The following GRAMD1B variants were observed in gnomAD, a reference collection of about 807,000 sequenced individuals.
GRAMD1B encodes protein Aster-B.
Under a neutral mutation model 99.7 loss-of-function variants are expected in GRAMD1B, and 37 were observed. The observed-to-expected ratio is 0.37, with a 90% confidence interval of 0.29 to 0.49. GRAMD1B has a LOEUF of 0.49. Among genes scored for constraint, GRAMD1B ranks in the 20% least tolerant of loss-of-function variants. GRAMD1B has a pLI of 0.98. For synonymous variants in GRAMD1B, 427 were observed against 387.6 expected (o/e 1.10, Z -1.19); for missense variants, 888 against 1,009.2 (o/e 0.88, Z 1.63).
chr11:123,519,280 G>A (rs369316414), intron 2 of GRAMD1B, among the ~76,000 whole-genome samples: 1 of 152,238 alleles, frequency 6.6e-6, no homozygotes, highest in African/African-American at 2.4e-5. Flanking sequence ...GTGGCAGAGG[G>A]TGGGGAGAGG....
At chr11:123,501,240 G>A (rs1046261152) in intron 2 of GRAMD1B, among the ~76,000 whole-genome samples, 3 of 151,918 alleles carry the variant, frequency 2.0e-5, no homozygotes, top group African/African-American at 7.3e-5. Context: ...GCACGATCTC[G>A]GCTCACTGCA....
At chr11:123,363,473 C>A (rs555227995) in intron 1 of GRAMD1B, among the ~76,000 whole-genome samples, 7 of 152,282 alleles carry the variant, frequency 4.6e-5, no homozygotes, top group Non-Finnish European at 7.4e-5. Flanking sequence ...CAGAAAGGAA[C>A]CTTGTTCTCT....
At position 123,608,917 on chromosome 11, in the gene GRAMD1B, C is replaced by G. The variant is rs1435032887; in HGVS notation, c.1657+115C>G. Reference sequence around the variant, plus strand: ...TTCTTTCCACACACCCTCCTTCCCTCGGCCACCTCAGGGCCCAGACACCCT... The same window carrying G: ...TTCTTTCCACACACCCTCCTTCCCTGGGCCACCTCAGGGCCCAGACACCCT... On this transcript the variant is annotated intron_variant, in intron 12 of 19. Transcript: ENST00000635736. 4 of 767,314 alleles carry G rather than the reference C, an allele frequency of 5.2e-6. 1 individual carries two copies. In the South Asian group the frequency reaches 5.5e-5, roughly 11 times the overall value. 47.5% of individuals were successfully genotyped at this position (767,314 alleles called of 1,614,324 possible). A position where few individuals can be genotyped will look rare whatever the true frequency, so the allele number is the denominator to read the frequency against.
At chr11:123,467,394 C>CTTT (rs11447711) in intron 1 of GRAMD1B, among the ~76,000 whole-genome samples, 24,387 of 103,014 alleles carry the variant, frequency 0.24, 3,164 homozygotes, top group East Asian at 0.41. Flanking sequence ...TTTTCAACAC[C>CTTT]TTTTTTTTTT....
intron 1 of GRAMD1B, among the ~76,000 whole-genome samples, chr11:123,433,427 C>T (rs1331054274): frequency 2.6e-5 from 4 of 152,148 alleles, no homozygotes; most frequent in Admixed American, 2.6e-4. Flanking sequence ...CGGCTTTTCC[C>T]TCCAATGTAA....
chr11:123,515,645 G>T (rs1941600094), intron 2 of GRAMD1B, among the ~76,000 whole-genome samples: 1 of 152,068 alleles, frequency 6.6e-6, no homozygotes. Flanking sequence ...AGAATTACCA[G>T]TTATTTATTT....
At chr11:123,423,678 T>C (rs1948540645) in intron 1 of GRAMD1B, among the ~76,000 whole-genome samples, 1 of 152,204 alleles carries the variant, frequency 6.6e-6, no homozygotes, top group East Asian at 1.9e-4. Flanking sequence ...TCTGCCTGAC[T>C]TCATTATAGG....
At position 123,605,483 on chromosome 11, in the gene GRAMD1B, G is replaced by T; in HGVS notation, c.1323+5G>T. The T allele has an allele frequency of 6.2e-7, 1 of 1,605,582 alleles. No homozygotes were observed. Among genetic ancestry groups the T allele is most frequent in the Non-Finnish European group, 8.5e-7 (1 of 1,175,232 alleles). ...AGCAGTGAGGCCCCCGTCTCGGTAT[G>T]GGCAGTCAGCCTTTGACTTCTACCC... On this transcript the variant is annotated splice_donor_5th_base_variant and intron_variant, in intron 10 of 19. Transcript: ENST00000635736.
At chr11:123,489,849 A>G (rs1565294721) in intron 2 of GRAMD1B, among the ~76,000 whole-genome samples, 1 of 152,216 alleles carries the variant, frequency 6.6e-6, no homozygotes, top group Non-Finnish European at 1.5e-5. Context: ...GGATAAATTC[A>G]TTTGTTCATT....
chr11:123,393,430 G>C (rs1947348912), intron 1 of GRAMD1B, among the ~76,000 whole-genome samples: 2 of 152,200 alleles, frequency 1.3e-5, no homozygotes, highest in African/African-American at 4.8e-5. Flanking sequence ...TTTTAGCCTA[G>C]GCTCTCTCAG....
intron 19 of GRAMD1B, 134 bp downstream of exon 19, chr11:123,619,358 A>G: frequency 1.3e-6 from 2 of 1,522,364 alleles, no homozygotes; most frequent in East Asian, 2.5e-5. Flanking sequence ...CCTCCAGGCC[A>G]TGCATTGTTC....
chr11:123,476,728 C>T (rs1048763716), intron 1 of GRAMD1B, among the ~76,000 whole-genome samples: 24 of 152,216 alleles, frequency 1.6e-4, no homozygotes, highest in Non-Finnish European at 2.8e-4. Context: ...GTACTGTCTC[C>T]TAGCACAGTG....
At chr11:123,491,574 A>C in intron 2 of GRAMD1B, 1 of 265,508 alleles carries the variant, frequency 3.8e-6, no homozygotes, top group Non-Finnish European at 7.0e-6. Context: ...GAGCTCTGCC[A>C]GATGTTGAAA....
chr11:123,435,660 A>T (rs1463927965), intron 1 of GRAMD1B: 1 of 473,088 alleles, frequency 2.1e-6, no homozygotes, highest in Admixed American at 3.7e-5. Context: ...AGATCTATAG[A>T]TGTTTGTTGA....
Position 123,431,183 on chromosome 11 carries a change from C to A in GRAMD1B, c.374+17C>A. The A allele has an allele frequency of 1.4e-6, 1 of 690,524 alleles. No homozygotes were observed. Among genetic ancestry groups the A allele is most frequent in the South Asian group, 1.5e-5 (1 of 65,750 alleles). The allele number at this position is 690,524 out of a possible 1,614,324, so 42.8% of individuals were successfully genotyped here. ...TGAAAGCAGGTACGTCCCCGTTCCG[C>A]CCGTCTCCTTCCCTTCCCTCCCGTC... On this transcript the variant is annotated intron_variant, in intron 1 of 19. Transcript: ENST00000635736.
In GRAMD1B at chr11:123,591,645, A is replaced by G. The variant is rs1950658074; in HGVS notation, c.685-2437A>G. 5.0e-6 allele frequency: 2 copies of G among 396,882 alleles called. No homozygotes were observed. The highest frequency in any genetic ancestry group is 8.9e-6 in the Non-Finnish European group (2 of 225,470). The allele number at this position is 396,882 out of a possible 1,614,324, so 24.6% of individuals were successfully genotyped here. A position where few individuals can be genotyped will look rare whatever the true frequency, so the allele number is the denominator to read the frequency against. On this transcript the variant is annotated intron_variant, in intron 4 of 19. Transcript: ENST00000635736. This position sits in a 1 kb window ranked among gnomAD's most constrained non-coding sequence, Gnocchi z 4.7. ...AGGCCCCAGATTTGACAATCTTGGA[A>G]CCGAAATTATTTGACCATTTTAAAT...
chr11:123,578,463 C>T (rs1178571071), intron 3 of GRAMD1B: 1 of 1,477,796 alleles, frequency 6.8e-7, no homozygotes, highest in Non-Finnish European at 9.1e-7. Context: ...CCTTTTATCT[C>T]CCCTCTAGTG....
chr11:123,608,227 G>T, intron 11 of GRAMD1B: 1 of 451,120 alleles, frequency 2.2e-6, no homozygotes, highest in Non-Finnish European at 4.0e-6. Context: ...ACGTTCCCTC[G>T]AACAGACCTA....
At chr11:123,463,871 C>T (rs1382073104) in intron 1 of GRAMD1B, among the ~76,000 whole-genome samples, 2 of 152,160 alleles carry the variant, frequency 1.3e-5, no homozygotes, top group East Asian at 3.8e-4. Flanking sequence ...TGTGTAAAGG[C>T]CTCAGGAAGA....
Sources: gnomAD v4.1 joint callset for allele counts (sites outside exome capture counted in the v4.1 genomes callset) on GRCh38, gnomAD v4.1.1 for gene constraint, Gnocchi (gnomAD v3.1) non-coding constraint, MANE v1.5 for transcripts, NCBI Gene and HGNC (gene_info 2026-07-23, HGNC 2026-07-21) for gene names.